Variants in MRTFA observed in about 807,000 individuals in gnomAD.
MRTFA encodes myocardin-related transcription factor A.
In MRTFA, 20 loss-of-function variants were observed where a neutral mutation model predicts 83.5. The observed-to-expected ratio is 0.24, with a 90% CI of 0.17 to 0.35. The LOEUF is 0.35. Ranked by LOEUF, MRTFA falls within the 10% of genes least tolerant of loss-of-function variation. MRTFA has a pLI of 1.00. For missense variants in MRTFA, 1,200 were observed against 1,224.7 expected (o/e 0.98, Z 0.30); for synonymous variants, 659 against 541.2 (o/e 1.22, Z -3.02).
At chr22:40,447,661 A>G (rs898021840) in intron 4 of MRTFA, among the ~76,000 whole-genome samples, 3 of 152,232 alleles carry the variant, frequency 2.0e-5, no homozygotes, top group African/African-American at 7.2e-5. Context: ...TAACATAAAT[A>G]AACAGGTTTG....
At chr22:40,438,493 G>C (rs2053213281) in intron 4 of MRTFA, among the ~76,000 whole-genome samples, 1 of 152,174 alleles carries the variant, frequency 6.6e-6, no homozygotes, top group African/African-American at 2.4e-5. Context: ...CAATTCACCA[G>C]AACATCTTGA....
intron 4 of MRTFA, among the ~76,000 whole-genome samples, chr22:40,444,520 G>A (rs560546193): frequency 2.1e-4 from 32 of 152,168 alleles, no homozygotes; most frequent in Middle Eastern, 3.4e-3. Context: ...ATTAAACTTT[G>A]GAAAACTAAA....
intron 3 of MRTFA, among the ~76,000 whole-genome samples, chr22:40,546,095 C>T (rs1421926437): frequency 6.6e-6 from 1 of 152,228 alleles, no homozygotes; most frequent in Non-Finnish European, 1.5e-5. Context: ...TCTCACTCCA[C>T]TCTCTCAACA....
rs549862492 is a variant in MRTFA at position 40,612,810 on chromosome 22, G to A, written c.-83-18075C>T. 3.9e-5 allele frequency among the ~76,000 whole-genome samples: 6 copies of A among 152,246 alleles called. No individual in the cohort carries two copies. The South Asian group carries it at 1.0e-3, about 26-fold the overall frequency. ...AAAACAATGTTTAAAACTTAGCTGG[G>A]TATAGTGGTGCATGGCTGCCCAGCT... On this transcript the variant is annotated intron_variant, in intron 1 of 14. Coordinates refer to ENST00000355630, the MANE Select transcript of MRTFA (RefSeq NM_020831.6).
intron 3 of MRTFA, among the ~76,000 whole-genome samples, chr22:40,465,383 T>A (rs575485815): frequency 6.6e-6 from 1 of 152,322 alleles, no homozygotes; most frequent in South Asian, 2.1e-4. Flanking sequence ...ACCAAGAGGC[T>A]ATTATTATTT....
intron 7 of MRTFA, among the ~76,000 whole-genome samples, chr22:40,428,316 G>A (rs1408034846): frequency 6.6e-6 from 1 of 152,190 alleles, no homozygotes; most frequent in African/African-American, 2.4e-5. Flanking sequence ...AGAAATGGAG[G>A]ACACCCAGCT....
At chr22:40,603,773 AC>A (rs1388681958) in intron 1 of MRTFA, among the ~76,000 whole-genome samples, 3 of 147,544 alleles carry the variant, frequency 2.0e-5, no homozygotes, top group African/African-American at 7.4e-5. Flanking sequence ...TTTTTTTTTT[AC>A]TTTTTTTTTT....
chr22:40,533,998 A>G (rs1461568051), intron 3 of MRTFA, among the ~76,000 whole-genome samples: 1 of 152,228 alleles, frequency 6.6e-6, no homozygotes. Context: ...CAAGAAGAGA[A>G]GATGAGGTTT....
intron 6 of MRTFA, 69 bp from the exon 7 acceptor site, chr22:40,429,836 G>A (rs2053032128): frequency 6.7e-7 from 1 of 1,484,140 alleles, no homozygotes; most frequent in Non-Finnish European, 9.0e-7. Flanking sequence ...GGGAACTCCA[G>A]AGCAGCTCTC....
intron 3 of MRTFA, among the ~76,000 whole-genome samples, chr22:40,515,295 G>A (rs1355427274): frequency 6.6e-6 from 1 of 151,880 alleles, no homozygotes; most frequent in African/African-American, 2.4e-5. Context: ...ATAAAATCCT[G>A]GATATAAAAT....
chr22:40,574,442 T>TATTATTA (rs201849545), intron 2 of MRTFA, among the ~76,000 whole-genome samples: 16 of 149,344 alleles, frequency 1.1e-4, no homozygotes, highest in South Asian at 2.1e-4. Context: ...TTATTATTAT[T>TATTATTA]TTTTTTTTTT....
chr22:40,596,506 A>C (rs192612681), intron 1 of MRTFA, among the ~76,000 whole-genome samples: 2 of 151,996 alleles, frequency 1.3e-5, no homozygotes, highest in Non-Finnish European at 2.9e-5. Context: ...TCTCTACTAA[A>C]AATGCAAAAA....
At chr22:40,561,192 ATCTCTGTGTGTGTGTG>A (rs1310127058) in intron 2 of MRTFA, among the ~76,000 whole-genome samples, 5 of 144,950 alleles carry the variant, frequency 3.4e-5, no homozygotes, top group Non-Finnish European at 7.6e-5. Context: ...GGGTATGGGT[ATCTCTGTGTGTGTGTG>A]TGTCTGTGTG....
At chr22:40,444,081 C>T (rs1452400409) in intron 4 of MRTFA, among the ~76,000 whole-genome samples, 2 of 152,176 alleles carry the variant, frequency 1.3e-5, no homozygotes, top group Non-Finnish European at 2.9e-5. Flanking sequence ...CTGGTCATAA[C>T]GAGATGGCAC....
intron 1 of MRTFA, among the ~76,000 whole-genome samples, chr22:40,624,380 C>T (rs112470030): frequency 2.9e-4 from 43 of 147,414 alleles, no homozygotes; most frequent in African/African-American, 9.9e-4. Flanking sequence ...GAGCCGAGAT[C>T]GCGCCACTGC....
At chr22:40,553,118 G>A (rs2055467856) in intron 2 of MRTFA, among the ~76,000 whole-genome samples, 1 of 152,222 alleles carries the variant, frequency 6.6e-6, no homozygotes. Flanking sequence ...ACTTGAGAGA[G>A]ATGATTTAGG....
intron 2 of MRTFA, among the ~76,000 whole-genome samples, chr22:40,581,613 A>G (rs2055948483): frequency 6.6e-6 from 1 of 152,108 alleles, no homozygotes; most frequent in African/African-American, 2.4e-5. Context: ...CTTCTGTAAT[A>G]TTTTTAGTTC....
At chr22:40,619,750 C>T (rs980614317) in intron 1 of MRTFA, among the ~76,000 whole-genome samples, 1 of 151,412 alleles carries the variant, frequency 6.6e-6, no homozygotes, top group Non-Finnish European at 1.5e-5. Context: ...ATTAGCTGGG[C>T]GTGGTGGCAG....
intron 1 of MRTFA, among the ~76,000 whole-genome samples, chr22:40,615,548 T>C (rs1364561084): frequency 6.6e-6 from 1 of 152,216 alleles, no homozygotes; most frequent in Non-Finnish European, 1.5e-5. Flanking sequence ...TTAGATTATT[T>C]GGGGAAGACT....
Sources: allele counts gnomAD v4.1 joint callset (sites outside exome capture counted in the v4.1 genomes callset), GRCh38; gene constraint gnomAD v4.1.1; transcripts MANE v1.5; gene names NCBI Gene and HGNC (gene_info 2026-07-23, HGNC 2026-07-21).